The following CALN1 variants were observed in gnomAD, a reference collection of about 807,000 sequenced individuals.
The protein encoded by CALN1 is calcium-binding protein 8.
A neutral mutation model predicts 30.6 loss-of-function variants in CALN1; 17 were observed. The observed-to-expected ratio is 0.56, with a 90% CI of 0.38 to 0.83. The LOEUF is 0.83. Among genes scored for constraint, CALN1 ranks in the 40% least tolerant of loss-of-function variants. The pLI is 0.00. For missense variants in CALN1, 291 were observed against 354.9 expected, an observed-to-expected ratio of 0.82 and a Z score of 1.45; for synonymous variants, 156 against 131.4, an observed-to-expected ratio of 1.19 and a Z score of -1.28.
intron 3 of CALN1, among the ~76,000 whole-genome samples, chr7:72,159,884 T>C: frequency 6.6e-6 from 1 of 151,916 alleles, no homozygotes; most frequent in East Asian, 1.9e-4. Flanking sequence ...CCACTGAAGG[T>C]GAAAGAAACA....
At chr7:72,180,610 T>C (rs1789705497) in intron 3 of CALN1, among the ~76,000 whole-genome samples, 1 of 147,096 alleles carries the variant, frequency 6.8e-6, no homozygotes, top group Admixed American at 6.8e-5. Flanking sequence ...TTTTTTTCTT[T>C]TTTTTTTTTT....
chr7:71,974,976 A>C (rs1235615511), intron 5 of CALN1, among the ~76,000 whole-genome samples: 1 of 152,224 alleles, frequency 6.6e-6, no homozygotes, highest in Admixed American at 6.5e-5. Flanking sequence ...CTGGGGAAAG[A>C]AGGTCCTGTC....
At chr7:71,819,586 T>C (rs1788476883) in intron 5 of CALN1, among the ~76,000 whole-genome samples, 1 of 152,196 alleles carries the variant, frequency 6.6e-6, no homozygotes, top group African/African-American at 2.4e-5. Context: ...TCTCCAGAAG[T>C]CCTTCATCTT....
Position 71,785,037 on chromosome 7 carries a change from C to G in CALN1, c.*2738G>C, listed in dbSNP as rs1792912562. 1 of 395,718 alleles carries G rather than the reference C, an allele frequency of 2.5e-6. No individual in the cohort carries two copies. The highest frequency in any genetic ancestry group is 4.4e-6 in the Non-Finnish European group (1 of 224,842). The allele number at this position is 395,718 out of a possible 1,614,324, so 24.5% of individuals were successfully genotyped here. On this transcript the variant is annotated 3_prime_UTR_variant, in exon 7 of 7. Transcript: ENST00000395275. ...AGTCACCGGGACAAACTCTGAGCTC[C>G]TGAAGTCTAAGGAATGCCGCTAGCT...
chr7:72,393,402 T>C (rs1478210139), intron 2 of CALN1, among the ~76,000 whole-genome samples: 1 of 152,096 alleles, frequency 6.6e-6, no homozygotes, highest in East Asian at 1.9e-4. Context: ...AGGCAGAGCT[T>C]GCAGTGAGCC....
chr7:71,847,582 T>C (rs1790341041), intron 5 of CALN1, among the ~76,000 whole-genome samples: 1 of 150,980 alleles, frequency 6.6e-6, no homozygotes, highest in South Asian at 2.1e-4. Context: ...CTCAGGAGGC[T>C]GAGGCAGAAG....
chr7:71,886,139 T>G (rs1443354514), intron 5 of CALN1, among the ~76,000 whole-genome samples: 1 of 152,244 alleles, frequency 6.6e-6, no homozygotes, highest in East Asian at 1.9e-4. Flanking sequence ...AAAAGACAGT[T>G]GTAAGTTTTC....
intron 3 of CALN1, among the ~76,000 whole-genome samples, chr7:72,241,286 G>C (rs1794810450): frequency 6.6e-6 from 1 of 152,016 alleles, no homozygotes; most frequent in South Asian, 2.1e-4. Flanking sequence ...TCGTTTCTTA[G>C]TGTCTTTTCT....
chr7:72,278,817 AAG>A lies in CALN1; in HGVS notation c.120-9_120-8del. 6.2e-7 allele frequency: 1 copy of A among 1,609,884 alleles called. No homozygotes were observed. Among genetic ancestry groups the A allele is most frequent in the Non-Finnish European group, 8.5e-7 (1 of 1,176,532 alleles). On this transcript the variant is annotated splice_region_variant and splice_polypyrimidine_tract_variant and intron_variant, in intron 2 of 6. Transcript: ENST00000395275. ...GTGGAACGGCATCTTTTCCCTGCCC[AAG>A]AGAGAACAGGGGAGGGGAAAAGAAA... is the stretch of plus-strand genomic sequence containing the variant.
chr7:72,400,742 A>G (rs961064015), intron 2 of CALN1, among the ~76,000 whole-genome samples: 2 of 152,158 alleles, frequency 1.3e-5, no homozygotes, highest in Non-Finnish European at 2.9e-5. Flanking sequence ...GGTGGTGGCC[A>G]CCTGTAATCC....
At chr7:71,800,135 G>A (rs772645992) in intron 6 of CALN1, among the ~76,000 whole-genome samples, 1 of 152,208 alleles carries the variant, frequency 6.6e-6, no homozygotes, top group Non-Finnish European at 1.5e-5. Flanking sequence ...TGACTTCAGC[G>A]GGGAGGACTG....
chr7:72,320,822 G>A (rs903018444), intron 2 of CALN1, among the ~76,000 whole-genome samples: 3 of 124,878 alleles, frequency 2.4e-5, no homozygotes, highest in East Asian at 2.3e-4. Flanking sequence ...GCGACAGAGC[G>A]AGACTCCATC....
chr7:72,032,853 G>A (rs1302950635), intron 4 of CALN1, among the ~76,000 whole-genome samples: 3 of 152,076 alleles, frequency 2.0e-5, no homozygotes, highest in Admixed American at 6.6e-5. Context: ...TTGGTCTGAT[G>A]AACAAAACCT....
At chr7:72,384,976 A>C (rs1805125267) in intron 2 of CALN1, among the ~76,000 whole-genome samples, 1 of 152,228 alleles carries the variant, frequency 6.6e-6, no homozygotes, top group Non-Finnish European at 1.5e-5. Context: ...AAAGAATCTC[A>C]TGGGAAAAGT....
At chr7:71,934,757 T>C (rs1309532439) in intron 5 of CALN1, among the ~76,000 whole-genome samples, 1 of 152,084 alleles carries the variant, frequency 6.6e-6, no homozygotes, top group Non-Finnish European at 1.5e-5. Context: ...GGCTGGGTAA[T>C]TTATAAAGAA....
chr7:72,174,631 A>G (rs1462083694), intron 3 of CALN1, among the ~76,000 whole-genome samples: 1 of 152,220 alleles, frequency 6.6e-6, no homozygotes. Flanking sequence ...ATATGCTAAG[A>G]GAAAGAAGCC....
intron 4 of CALN1, among the ~76,000 whole-genome samples, chr7:72,043,008 G>A (rs924412810): frequency 1.3e-5 from 2 of 152,140 alleles, no homozygotes; most frequent in African/African-American, 4.8e-5. Context: ...AAAATTTATA[G>A]AAATAAACAT....
At chr7:72,426,074 C>T (rs992162506) in intron 1 of CALN1, among the ~76,000 whole-genome samples, 4 of 152,190 alleles carry the variant, frequency 2.6e-5, no homozygotes, top group African/African-American at 4.8e-5. Context: ...GGCCAGGAAA[C>T]CAGGAGGGAT....
intron 2 of CALN1, among the ~76,000 whole-genome samples, chr7:72,297,195 A>T (rs1310256305): frequency 2.0e-5 from 3 of 152,192 alleles, no homozygotes; most frequent in Non-Finnish European, 2.9e-5. Context: ...CCCAAGGAGC[A>T]TTCAGAAAAA....
Sources: allele counts gnomAD v4.1 joint callset (sites outside exome capture counted in the v4.1 genomes callset), GRCh38; gene constraint gnomAD v4.1.1; transcripts MANE v1.5; gene names NCBI Gene and HGNC (gene_info 2026-07-23, HGNC 2026-07-21).